The following ZNF804B variants were observed in gnomAD, a reference collection of about 807,000 sequenced individuals.
The protein encoded by ZNF804B is zinc finger 804B.
In ZNF804B, 80 loss-of-function variants were observed where a neutral mutation model predicts 101.4. The ratio of observed to expected loss-of-function variants is 0.79; its 90% CI spans 0.66 to 0.95. The LOEUF (loss-of-function observed/expected upper bound fraction) is 0.95. ZNF804B is among the 40% of genes least tolerant of loss of function. ZNF804B has a pLI of 0.00. For synonymous variants in ZNF804B, 622 were observed against 558.8 expected (o/e 1.11, Z -1.59); for missense variants, 1,673 against 1,561.9 (o/e 1.07, Z -1.20).
At chr7:88,822,708 C>G (rs1176084293) in intron 1 of ZNF804B, among the ~76,000 whole-genome samples, 1 of 152,058 alleles carries the variant, frequency 6.6e-6, no homozygotes, top group East Asian at 1.9e-4. Context: ...GCATAGATTC[C>G]AAGAATAGCT....
At chr7:88,950,640 A>G (rs1793204235) in intron 1 of ZNF804B, among the ~76,000 whole-genome samples, 2 of 151,534 alleles carry the variant, frequency 1.3e-5, no homozygotes, top group African/African-American at 4.8e-5. Flanking sequence ...AGAGGATCAT[A>G]TTATATACGT....
At chr7:89,144,480 T>G (rs1790761819) in intron 1 of ZNF804B, among the ~76,000 whole-genome samples, 1 of 151,888 alleles carries the variant, frequency 6.6e-6, no homozygotes, top group Non-Finnish European at 1.5e-5. Flanking sequence ...CTTAGCTATA[T>G]AGAGAATTAG....
chr7:89,039,001 T>G (rs1788972370), intron 1 of ZNF804B, among the ~76,000 whole-genome samples: 3 of 152,080 alleles, frequency 2.0e-5, no homozygotes, highest in Non-Finnish European at 4.4e-5. Context: ...CTCTTTATTC[T>G]GTTTTATTGG....
intron 1 of ZNF804B, among the ~76,000 whole-genome samples, chr7:88,883,673 T>C (rs568457861): frequency 4.6e-5 from 7 of 152,196 alleles, no homozygotes; most frequent in African/African-American, 1.4e-4. Flanking sequence ...GATTATAAAA[T>C]TCTACCACCA....
rs142128492 is a variant in ZNF804B at position 88,962,227 on chromosome 7, G to A, written c.108+202143G>A. On this transcript the variant is annotated intron_variant, in intron 1 of 3. Coordinates refer to ENST00000333190, the MANE Select transcript of ZNF804B (RefSeq NM_181646.5). ...TTGTTTTGTAGAATTTGTATAGAAC[G>A]CTGTTTATACTGGTAAATTATGGTT... Among the ~76,000 whole-genome samples, 140 of 151,292 alleles carry A rather than the reference G, an allele frequency of 9.3e-4. 2 individuals are homozygous for A. The East Asian group carries it at 0.019, about 20-fold the overall frequency.
intron 2 of ZNF804B, among the ~76,000 whole-genome samples, chr7:89,308,349 T>G (rs1790596850): frequency 6.6e-6 from 1 of 152,130 alleles, no homozygotes; most frequent in Admixed American, 6.6e-5. Flanking sequence ...TTCTGTGAGA[T>G]CCTATTCAGT....
intron 2 of ZNF804B, among the ~76,000 whole-genome samples, chr7:89,318,139 A>G (rs1235870119): frequency 6.6e-6 from 1 of 152,158 alleles, no homozygotes; most frequent in Non-Finnish European, 1.5e-5. Flanking sequence ...CTTAACTTCT[A>G]CTGATTATAA....
intron 1 of ZNF804B, among the ~76,000 whole-genome samples, chr7:88,768,418 A>G (rs1370524965): frequency 6.6e-6 from 1 of 152,238 alleles, no homozygotes. Context: ...CATTAAGAAC[A>G]TTAACTCACA....
At chr7:89,224,112 G>C (rs1051457855) in intron 2 of ZNF804B, among the ~76,000 whole-genome samples, 4 of 151,718 alleles carry the variant, frequency 2.6e-5, no homozygotes, top group Admixed American at 1.3e-4. Flanking sequence ...CCTGCCCCAG[G>C]GACATTCTGA....
chr7:89,219,311 A>G (rs1562919806), intron 2 of ZNF804B, among the ~76,000 whole-genome samples: 1 of 149,814 alleles, frequency 6.7e-6, no homozygotes, highest in Non-Finnish European at 1.5e-5. Flanking sequence ...TGGGAAAGCA[A>G]TTCTCAATAA....
intron 1 of ZNF804B, among the ~76,000 whole-genome samples, chr7:88,898,441 T>A (rs1251600711): frequency 6.6e-6 from 1 of 151,942 alleles, no homozygotes; most frequent in Non-Finnish European, 1.5e-5. Context: ...CGTCTTCTCT[T>A]CTGACCTCCT....
chr7:88,853,237 G>A (rs1791472171), intron 1 of ZNF804B, among the ~76,000 whole-genome samples: 1 of 152,094 alleles, frequency 6.6e-6, no homozygotes. Flanking sequence ...ACGTATTCTG[G>A]GACAAGCTTA....
At chr7:89,079,163 C>G (rs1315727977) in intron 1 of ZNF804B, among the ~76,000 whole-genome samples, 1 of 151,978 alleles carries the variant, frequency 6.6e-6, no homozygotes. Flanking sequence ...TATAGAGGCA[C>G]CATTTGTGAA....
At chr7:89,088,326 A>G (rs1179978794) in intron 1 of ZNF804B, among the ~76,000 whole-genome samples, 6 of 152,060 alleles carry the variant, frequency 3.9e-5, no homozygotes, top group Non-Finnish European at 8.8e-5. Flanking sequence ...AACCTAGAAA[A>G]CAAAGGCAAG....
intron 1 of ZNF804B, among the ~76,000 whole-genome samples, chr7:88,991,703 GT>G (rs1348862915): frequency 6.6e-6 from 1 of 152,158 alleles, no homozygotes; most frequent in Non-Finnish European, 1.5e-5. Flanking sequence ...CAGTAAAGCT[GT>G]TTTCTTCTAC....
chr7:89,336,165 T>A lies in ZNF804B; in HGVS notation c.3183T>A (p.Pro1061=). The A allele has an allele frequency of 1.2e-6, 2 of 1,613,928 alleles. No individual in the cohort carries two copies. The highest frequency in any genetic ancestry group is 1.1e-5 in the South Asian group (1 of 91,090). ...QSKPLISEIQ[P]FIQSCDPVPN... is the part of the protein sequence containing the mutation. ...AACCTTTAATTAGTGAAATCCAACC[T>A]TTTATTCAAAGCTGTGACCCAGTAC... Residue 1061 remains proline, a synonymous_variant, in exon 4 of 4, where the codon CCT becomes CCA. Coordinates refer to ENST00000333190, the MANE Select transcript of ZNF804B (RefSeq NM_181646.5).
At chr7:89,305,633 T>C (rs1204039094) in intron 2 of ZNF804B, among the ~76,000 whole-genome samples, 1 of 152,022 alleles carries the variant, frequency 6.6e-6, no homozygotes, top group East Asian at 1.9e-4. Flanking sequence ...TTTCCAATTT[T>C]TTATCATTAT....
In ZNF804B at chr7:88,899,187, G is replaced by A. The variant is rs184584498; in HGVS notation, c.108+139103G>A. Among the ~76,000 whole-genome samples, 779 of 152,140 alleles carry A rather than the reference G, an allele frequency of 5.1e-3. 1 individual carries two copies. Among genetic ancestry groups the A allele is most frequent in the Non-Finnish European group, 8.8e-3 (599 of 68,008 alleles). ...TCAAGGTTGTATTCAGAGAAATTCC[G>A]CATTCTTTATATATGATATCTTCAA... On this transcript the variant is annotated intron_variant, in intron 1 of 3. Transcript: ENST00000333190.
intron 2 of ZNF804B, among the ~76,000 whole-genome samples, chr7:89,288,092 A>T (rs1204594847): frequency 6.6e-6 from 1 of 152,146 alleles, no homozygotes; most frequent in East Asian, 1.9e-4. Flanking sequence ...AAGGGCTTCA[A>T]AATAATTATG....
Sources: allele counts gnomAD v4.1 joint callset (sites outside exome capture counted in the v4.1 genomes callset), GRCh38; gene constraint gnomAD v4.1.1; transcripts MANE v1.5; gene names NCBI Gene and HGNC (gene_info 2026-07-23, HGNC 2026-07-21).